The following NRXN1 variants were observed in gnomAD, a reference collection of about 807,000 sequenced individuals.
NRXN1 encodes neurexin-1.
NRXN1 carries 39 observed loss-of-function variants against 150.9 expected under a neutral mutation model. That is an observed-to-expected ratio of 0.26 (90% confidence interval 0.20 to 0.34). The LOEUF is 0.34. Among genes scored for constraint, NRXN1 ranks in the 10% least tolerant of loss-of-function variants. The probability of loss-of-function intolerance (pLI) is 1.00; values close to 1 mark genes in which losing one functional copy is unlikely to be tolerated. For synonymous variants in NRXN1, 924 were observed against 757.0 expected, an observed-to-expected ratio of 1.22 and a Z score of -3.62; for missense variants, 1,815 against 1,949.9, an observed-to-expected ratio of 0.93 and a Z score of 1.30.
At chr2:50,208,986 C>T (rs1396063940) in intron 18 of NRXN1, among the ~76,000 whole-genome samples, 2 of 152,006 alleles carry the variant, frequency 1.3e-5, no homozygotes, top group Admixed American at 1.3e-4. Flanking sequence ...TCCTTTATTG[C>T]ACACCTCTTA....
chr2:50,340,357 C>T (rs2077467816), intron 17 of NRXN1, among the ~76,000 whole-genome samples: 2 of 152,142 alleles, frequency 1.3e-5, no homozygotes, highest in Non-Finnish European at 2.9e-5. Flanking sequence ...CTACACCCTA[C>T]ATAGACCAGA....
Position 49,920,714 on chromosome 2 carries a change from G to A in NRXN1, c.*1230C>T, listed in dbSNP as rs1034039495. On this transcript the variant is annotated 3_prime_UTR_variant, in exon 23 of 23. Transcript: ENST00000401669. ...TGTGGATTCGTGTGTGTGTGTGTGTGTGTGTGTGTGTGTGTGTGTGTGTGT... is the reference window on the plus strand; with the variant it reads ...TGTGGATTCGTGTGTGTGTGTGTGTATGTGTGTGTGTGTGTGTGTGTGTGT... 1 of 102,632 alleles carries A rather than the reference G, an allele frequency of 9.7e-6. No homozygotes were observed. Among genetic ancestry groups the A allele is most frequent in the Non-Finnish European group, 2.1e-5 (1 of 46,894 alleles). 6.4% of individuals were successfully genotyped at this position (102,632 alleles called of 1,614,324 possible).
chr2:50,169,618 AAGG>A (rs981436065), intron 18 of NRXN1, among the ~76,000 whole-genome samples: 3 of 151,312 alleles, frequency 2.0e-5, no homozygotes, highest in African/African-American at 4.9e-5. Context: ...GAGGCTGAGG[AAGG>A]AGAATTGCTT....
intron 17 of NRXN1, among the ~76,000 whole-genome samples, chr2:50,300,158 C>G (rs955990766): frequency 1.3e-5 from 2 of 151,962 alleles, no homozygotes; most frequent in Admixed American, 6.6e-5. Flanking sequence ...AAAGAGCAAC[C>G]AGGAAAAGGT....
chr2:50,586,294 T>C (rs1378559024), intron 8 of NRXN1, among the ~76,000 whole-genome samples: 1 of 152,090 alleles, frequency 6.6e-6, no homozygotes, highest in South Asian at 2.1e-4. Context: ...TGTGAACATC[T>C]TATAAAAATA....
intron 12 of NRXN1, among the ~76,000 whole-genome samples, chr2:50,516,115 T>C (rs1396324782): frequency 5.3e-5 from 8 of 152,214 alleles, no homozygotes. Flanking sequence ...GAACATTCAA[T>C]TACAAATTAA....
At chr2:50,601,306 G>A (rs936698271) in intron 8 of NRXN1, among the ~76,000 whole-genome samples, 8 of 152,156 alleles carry the variant, frequency 5.3e-5, no homozygotes, top group African/African-American at 1.9e-4. Flanking sequence ...TCATCAGACT[G>A]AAGGCAGTCT....
chr2:50,955,925 T>C (rs1027333425), intron 2 of NRXN1, among the ~76,000 whole-genome samples: 2 of 152,138 alleles, frequency 1.3e-5, no homozygotes, highest in African/African-American at 4.8e-5. Flanking sequence ...TTTCCCAGAG[T>C]CTGCCGGGCA....
At chr2:50,176,579 T>C (rs1341168152) in intron 18 of NRXN1, among the ~76,000 whole-genome samples, 1 of 152,080 alleles carries the variant, frequency 6.6e-6, no homozygotes, top group African/African-American at 2.4e-5. Flanking sequence ...GAAAACTATC[T>C]AGGCCAAAAC....
At chr2:49,980,990 C>G (rs1558629560) in intron 21 of NRXN1, among the ~76,000 whole-genome samples, 1 of 152,002 alleles carries the variant, frequency 6.6e-6, no homozygotes, top group Non-Finnish European at 1.5e-5. Context: ...GTACACTGTA[C>G]AGAAATCTTG....
At chr2:50,734,471 T>A (rs549205478) in intron 5 of NRXN1, among the ~76,000 whole-genome samples, 3 of 152,168 alleles carry the variant, frequency 2.0e-5, no homozygotes, top group Non-Finnish European at 2.9e-5. Flanking sequence ...TTTCTTTGTC[T>A]TTCTATGACA....
At chr2:50,191,736 C>A (rs1432804180) in intron 18 of NRXN1, among the ~76,000 whole-genome samples, 1 of 152,182 alleles carries the variant, frequency 6.6e-6, no homozygotes, top group Non-Finnish European at 1.5e-5. Context: ...TGAGATCCAT[C>A]TAAGTTGTTG....
chr2:50,453,458 T>A (rs977187578), intron 17 of NRXN1, among the ~76,000 whole-genome samples: 1 of 152,168 alleles, frequency 6.6e-6, no homozygotes. Flanking sequence ...GAACTTATTA[T>A]TTAAACTTTT....
chr2:50,171,027 T>C (rs2059998933), intron 18 of NRXN1, among the ~76,000 whole-genome samples: 1 of 152,178 alleles, frequency 6.6e-6, no homozygotes, highest in African/African-American at 2.4e-5. Context: ...GAAAATGTTA[T>C]TTAGAAAATC....
At chr2:50,049,709 G>C (rs1692399244) in intron 21 of NRXN1, among the ~76,000 whole-genome samples, 1 of 152,150 alleles carries the variant, frequency 6.6e-6, no homozygotes, top group Non-Finnish European at 1.5e-5. Flanking sequence ...AAGGAAGGAA[G>C]TGTTGTCCTC....
At chr2:50,317,899 C>G (rs528873317) in intron 17 of NRXN1, among the ~76,000 whole-genome samples, 1 of 152,032 alleles carries the variant, frequency 6.6e-6, no homozygotes, top group East Asian at 1.9e-4. Context: ...CTCAGCTATT[C>G]ATGTTTTATA....
chr2:50,982,692 T>C (rs1410624405), intron 2 of NRXN1, among the ~76,000 whole-genome samples: 8 of 152,114 alleles, frequency 5.3e-5, no homozygotes, highest in Non-Finnish European at 1.2e-4. Flanking sequence ...AAGCTTGCTG[T>C]TGACTACAAA....
At chr2:50,762,850 T>G (rs1701964360) in intron 5 of NRXN1, among the ~76,000 whole-genome samples, 1 of 151,968 alleles carries the variant, frequency 6.6e-6, no homozygotes, top group South Asian at 2.1e-4. Context: ...CTTTTGGATA[T>G]ATATCCTTTC....
chr2:50,663,031 A>G (rs2104657309), intron 5 of NRXN1, among the ~76,000 whole-genome samples: 1 of 152,142 alleles, frequency 6.6e-6, no homozygotes, highest in East Asian at 1.9e-4. Flanking sequence ...ATGGAGCACT[A>G]TTTGAGAAAT....
Sources: allele counts gnomAD v4.1 joint callset (sites outside exome capture counted in the v4.1 genomes callset), GRCh38; gene constraint gnomAD v4.1.1; transcripts MANE v1.5; gene names NCBI Gene and HGNC (gene_info 2026-07-23, HGNC 2026-07-21).